GNE: variants seen among roughly 807,000 people sequenced by gnomAD.
GNE encodes the protein glucosamine (UDP-N-acetyl)-2-epimerase/N-acetylmannosamine kinase.
A neutral mutation model predicts 61.8 loss-of-function variants in GNE; 41 were observed. That is an observed-to-expected ratio of 0.66 (90% CI 0.52 to 0.86). GNE has a LOEUF of 0.86. GNE is among the 40% of genes least tolerant of loss of function. The probability of loss-of-function intolerance (pLI) is 0.00; values close to 1 mark genes in which losing one functional copy is unlikely to be tolerated. For missense variants in GNE, 608 were observed against 909.1 expected, an observed-to-expected ratio of 0.67 and a Z score of 4.26; for synonymous variants, 264 against 326.4, an observed-to-expected ratio of 0.81 and a Z score of 2.06.
At chr9:36,234,607 A>G (rs1218952198) in intron 4 of GNE, among the ~76,000 whole-genome samples, 1 of 152,190 alleles carries the variant, frequency 6.6e-6, no homozygotes, top group Non-Finnish European at 1.5e-5. Flanking sequence ...CCAAGAAAAT[A>G]CACATAGATT....
chr9:36,245,459 C>A (rs754013134), intron 3 of GNE, among the ~76,000 whole-genome samples: 4 of 151,716 alleles, frequency 2.6e-5, no homozygotes, highest in Admixed American at 6.6e-5. Flanking sequence ...CCAAGGTGGG[C>A]GGATCACTTG....
At chr9:36,268,254 A>T (rs4878647) in intron 1 of GNE, among the ~76,000 whole-genome samples, 116,225 of 152,146 alleles carry the variant, frequency 0.76, 44,894 homozygotes, top group Non-Finnish European at 0.8. Context: ...TCAGAAAGTT[A>T]AATTGGCACA....
intron 3 of GNE, among the ~76,000 whole-genome samples, chr9:36,241,119 CTT>C (rs36007906): frequency 8.4e-5 from 12 of 143,414 alleles, no homozygotes; most frequent in Non-Finnish European, 1.1e-4. Context: ...GTTTCATTTA[CTT>C]TTTTTTTTTT....
At chr9:36,230,414 G>A (rs1829089116) in intron 5 of GNE, among the ~76,000 whole-genome samples, 2 of 151,930 alleles carry the variant, frequency 1.3e-5, no homozygotes, top group Non-Finnish European at 2.9e-5. Flanking sequence ...TCTAAAGATT[G>A]AAGGGCTCCA....
chr9:36,246,562 C>T (rs1829883972), intron 2 of GNE, 80 bp from the exon 3 acceptor site: 7 of 876,572 alleles, frequency 8.0e-6, no homozygotes, highest in Non-Finnish European at 1.3e-5. Flanking sequence ...CAATCTAACA[C>T]CAACTCTGAA....
Position 36,256,239 on chromosome 9 carries a change from CTTTTTTTTTTTTTT to C in GNE, c.-43+2068_-43+2081del, listed in dbSNP as rs34215482. 8.9e-5 allele frequency among the ~76,000 whole-genome samples: 5 copies of C among 55,990 alleles called. No homozygotes were observed. The Admixed American group carries it at 1.0e-3, about 11-fold the overall frequency. The allele number at this position is 55,990 out of a possible 152,430, so 36.7% of individuals were successfully genotyped here. ...CATACCCAGCCAGAGAAACCCAATT[CTTTTTTTTTTTTTT>C]TTTTTTTTTTTTTGAGACAGACAGC... On this transcript the variant is annotated intron_variant, in intron 1 of 11. Transcript: ENST00000642385.
Position 36,236,490 on chromosome 9 carries a change from G to A in GNE, c.769+342C>T, listed in dbSNP as rs559741282. On this transcript the variant is annotated intron_variant, in intron 4 of 11. Transcript: ENST00000642385. ...GCTGGGATTACAGGCATGAGCCACC[G>A]TGCCCGACCATCTTTCACTTCAACT... is the stretch of plus-strand genomic sequence containing the variant. Among the ~76,000 whole-genome samples the A allele has an allele frequency of 1.4e-4, 22 of 152,236 alleles. No homozygotes were observed. In the South Asian group the frequency reaches 3.3e-3, roughly 23 times the overall value.
At chr9:36,250,863 T>C in intron 1 of GNE, among the ~76,000 whole-genome samples, 1 of 152,170 alleles carries the variant, frequency 6.6e-6, no homozygotes, top group East Asian at 1.9e-4. Context: ...GTATTTTTAG[T>C]AGAGATGGGG....
intron 1 of GNE, among the ~76,000 whole-genome samples, chr9:36,263,829 C>T (rs770629214): frequency 5.9e-5 from 9 of 152,162 alleles, no homozygotes; most frequent in Non-Finnish European, 8.8e-5. Flanking sequence ...GCTGCCTATT[C>T]ATGACCCATG....
At chr9:36,223,559 G>A in intron 7 of GNE, 57 bp from the exon 8 acceptor site, 23 of 1,546,864 alleles carry the variant, frequency 1.5e-5, no homozygotes, top group Non-Finnish European at 2.0e-5. Context: ...AGCATATTGT[G>A]AGTGTTGTGA....
chr9:36,257,335 T>C (rs935714803), intron 1 of GNE, among the ~76,000 whole-genome samples: 3 of 152,116 alleles, frequency 2.0e-5, no homozygotes, highest in Admixed American at 6.6e-5. Flanking sequence ...AAGAGCTATA[T>C]AAAGCTGTCT....
At chr9:36,232,331 C>T (rs672042) in intron 5 of GNE, among the ~76,000 whole-genome samples, 1 of 115,960 alleles carries the variant, frequency 8.6e-6, no homozygotes, top group Non-Finnish European at 1.7e-5. Context: ...TATTCTTGCC[C>T]CCCCGCCCCC....
intron 9 of GNE, among the ~76,000 whole-genome samples, chr9:36,221,271 G>A (rs988050421): frequency 4.6e-5 from 7 of 152,114 alleles, no homozygotes; most frequent in African/African-American, 1.7e-4. Context: ...GAGATTGTGC[G>A]ACTGCACTCC....
At chr9:36,266,265 C>G (rs1830784818) in intron 1 of GNE, among the ~76,000 whole-genome samples, 1 of 152,206 alleles carries the variant, frequency 6.6e-6, no homozygotes, top group African/African-American at 2.4e-5. Flanking sequence ...AGACACTGGC[C>G]AGTACCAGTC....
In GNE at chr9:36,246,380, G is replaced by C; in HGVS notation, c.267C>G (p.Gly89=). 1 of 1,613,260 alleles carries C rather than the reference G, an allele frequency of 6.2e-7. No homozygotes were observed. Among genetic ancestry groups the C allele is most frequent in the Non-Finnish European group, 8.5e-7 (1 of 1,179,254 alleles). The change falls in exon 3 of 12, where the codon GGC becomes GGG. Residue 89 remains glycine (G), a synonymous_variant. Coordinates refer to ENST00000642385, the MANE Select transcript of GNE (RefSeq NM_005476.7). ...CATCTGGCAGCTTCACTAGGGCCAG[G>C]CCTACTGACTCCACCATGGCTGCCT... ...EDEAAMVESV[G]LALVKLPDVL...
chr9:36,242,732 G>GTTTTTTTTT (rs34441447), intron 3 of GNE, among the ~76,000 whole-genome samples: 1 of 95,992 alleles, frequency 1.0e-5, no homozygotes, highest in African/African-American at 4.4e-5. Context: ...TTTTATGCTT[G>GTTTTTTTTT]TTTTTTTTTT....
chr9:36,254,973 C>G (rs933609372), intron 1 of GNE, among the ~76,000 whole-genome samples: 1 of 151,942 alleles, frequency 6.6e-6, no homozygotes, highest in East Asian at 1.9e-4. Context: ...AATTGGGTTT[C>G]TCAGATTGCC....
At chr9:36,256,158 C>T (rs1800074665) in intron 1 of GNE, among the ~76,000 whole-genome samples, 1 of 151,718 alleles carries the variant, frequency 6.6e-6, no homozygotes, top group Non-Finnish European at 1.5e-5. Flanking sequence ...ATCTCCTGAC[C>T]TCAGGTGATC....
intron 1 of GNE, 24 bp from the exon 2 acceptor site, chr9:36,249,421 T>G (rs746728620): frequency 2.0e-5 from 30 of 1,503,456 alleles, no homozygotes; most frequent in Non-Finnish European, 2.7e-5. Context: ...AATAAAAACT[T>G]TATAATCAGA....
Sources: gnomAD v4.1 joint callset for allele counts (sites outside exome capture counted in the v4.1 genomes callset) on GRCh38, gnomAD v4.1.1 for gene constraint, MANE v1.5 for transcripts, NCBI Gene and HGNC (gene_info 2026-07-23, HGNC 2026-07-21) for gene names.